COLGALT1: variants seen among roughly 807,000 people sequenced by gnomAD.
COLGALT1 encodes the protein procollagen galactosyltransferase 1.
COLGALT1 carries 43 observed loss-of-function variants against 60.8 expected under a neutral mutation model. The observed-to-expected ratio is 0.71, with a 90% CI of 0.55 to 0.91. COLGALT1 has a LOEUF of 0.91. COLGALT1 is among the 40% of genes least tolerant of loss of function. The pLI, the probability that COLGALT1 is intolerant of heterozygous loss-of-function variation, is 0.00. For synonymous variants in COLGALT1, 369 were observed against 374.2 expected, an observed-to-expected ratio of 0.99 and a Z score of 0.16; for missense variants, 845 against 880.0, an observed-to-expected ratio of 0.96 and a Z score of 0.50.
At chr19:17,579,421 G>A (rs1195116330) in intron 9 of COLGALT1, 61 bp from the exon 10 acceptor site, 1 of 1,609,914 alleles carries the variant, frequency 6.2e-7, no homozygotes, top group East Asian at 2.2e-5. Flanking sequence ...GCAAAGCTCT[G>A]TGCTTTAGGG....
Position 17,576,800 on chromosome 19 carries a change from G to C in COLGALT1, c.950-395G>C, listed in dbSNP as rs538127952. Reference sequence around the variant, plus strand: ...GTGGCCAGGGCTGAGTGGTGCGGCTGGGGGGCAGGTTGAAGCTGTAGCCTG... The same window carrying C: ...GTGGCCAGGGCTGAGTGGTGCGGCTCGGGGGCAGGTTGAAGCTGTAGCCTG... On this transcript the variant is annotated intron_variant, in intron 6 of 11. Coordinates refer to ENST00000252599, the MANE Select transcript of COLGALT1 (RefSeq NM_024656.4). Among the ~76,000 whole-genome samples the C allele has an allele frequency of 1.0e-4, 15 of 145,834 alleles. No individual in the cohort carries two copies. In the South Asian group the frequency reaches 3.0e-3, roughly 30 times the overall value.
chr19:17,565,780 T>C (rs1437913464), intron 3 of COLGALT1, among the ~76,000 whole-genome samples: 1 of 152,226 alleles, frequency 6.6e-6, no homozygotes, highest in Non-Finnish European at 1.5e-5. Flanking sequence ...GTTTAGCTTT[T>C]TGAGGAACTG....
chr19:17,558,694 T>G (rs1037125520), intron 1 of COLGALT1, among the ~76,000 whole-genome samples: 9 of 149,958 alleles, frequency 6.0e-5, no homozygotes, highest in African/African-American at 2.2e-4. Flanking sequence ...AAAAAAAAAT[T>G]AAGTGACACA....
chr19:17,580,979 C>CAA, intron 11 of COLGALT1, 74 bp downstream of exon 11: 1 of 1,548,826 alleles, frequency 6.5e-7, no homozygotes, highest in Non-Finnish European at 8.8e-7. Context: ...ATGTGAGACT[C>CAA]ACGGCCTCCG....
At chr19:17,577,544 T>G in intron 8 of COLGALT1, 77 bp downstream of exon 8, 1 of 1,277,590 alleles carries the variant, frequency 7.8e-7, no homozygotes, top group Non-Finnish European at 1.0e-6. Flanking sequence ...AGACGGCAAG[T>G]GATTCAGATG....
chr19:17,559,278 C>G, intron 1 of COLGALT1, 33 bp from the exon 2 acceptor site: 3 of 1,508,524 alleles, frequency 2.0e-6, no homozygotes, highest in Non-Finnish European at 2.7e-6. Context: ...CCTCAGTCTC[C>G]CCAAGTACGC....
At chr19:17,569,570 G>T (rs1311691123) in intron 5 of COLGALT1, among the ~76,000 whole-genome samples, 1 of 151,740 alleles carries the variant, frequency 6.6e-6, no homozygotes, top group Non-Finnish European at 1.5e-5. Flanking sequence ...CCAAGTAGCT[G>T]GGATTACAGG....
rs2076381394 is a variant in COLGALT1 at position 17,581,374 on chromosome 19, T to C, written c.1799T>C (p.Leu600Pro). The change falls in exon 12 of 12, where the codon CTG becomes CCG. Residue 600 changes from leucine (L) to proline (P), a missense_variant. Coordinates refer to ENST00000252599, the MANE Select transcript of COLGALT1 (RefSeq NM_024656.4). ...CAGAAGATGCGGGAGCAGCAGGCAC[T>C]GAGCCGTGAGGCCAAGAACTCGGAC... ...KSQKMREQQA[L>P]SREAKNSDVL... 1 of 1,613,078 alleles carries C rather than the reference T, an allele frequency of 6.2e-7. No individual in the cohort carries two copies. Among genetic ancestry groups the C allele is most frequent in the Non-Finnish European group, 8.5e-7 (1 of 1,179,966 alleles).
chr19:17,570,445 T>A (rs1233397215), intron 5 of COLGALT1, among the ~76,000 whole-genome samples: 1 of 151,824 alleles, frequency 6.6e-6, no homozygotes, highest in Non-Finnish European at 1.5e-5. Context: ...GGGGTCTTGC[T>A]ATGTTGCCCA....
intron 6 of COLGALT1, among the ~76,000 whole-genome samples, chr19:17,574,430 A>G (rs2076329642): frequency 1.3e-5 from 2 of 151,534 alleles, no homozygotes; most frequent in South Asian, 4.2e-4. Flanking sequence ...TCCTGGGTTC[A>G]AGCGATTCCC....
intron 8 of COLGALT1, 45 bp from the exon 9 acceptor site, chr19:17,577,912 A>G: frequency 6.4e-7 from 1 of 1,569,168 alleles, no homozygotes; most frequent in Non-Finnish European, 8.7e-7. Context: ...GCAGAATGGC[A>G]GGCAGGGTGA....
chr19:17,558,887 C>T (rs904899569), intron 1 of COLGALT1, among the ~76,000 whole-genome samples: 3 of 151,866 alleles, frequency 2.0e-5, no homozygotes, highest in Non-Finnish European at 4.4e-5. Flanking sequence ...GGGCCGGGCG[C>T]GGTGGCTCAC....
At chr19:17,557,733 C>T (rs992212196) in intron 1 of COLGALT1, among the ~76,000 whole-genome samples, 1 of 152,230 alleles carries the variant, frequency 6.6e-6, no homozygotes, top group Non-Finnish European at 1.5e-5. Flanking sequence ...TCTTGAGTAA[C>T]TGGGACTACA....
chr19:17,580,764 T>G lies in COLGALT1; in HGVS notation c.1460T>G (p.Leu487Arg). 6.2e-7 allele frequency: 1 copy of G among 1,613,916 alleles called. No individual in the cohort carries two copies. The highest frequency in any genetic ancestry group is 8.5e-7 in the Non-Finnish European group (1 of 1,179,956). Reference protein sequence around the residue: ...PEKAVPRVRNLVEADYSYWTL... With the variant: ...PEKAVPRVRNRVEADYSYWTL... Reference sequence around the variant, plus strand: ...AAGGCTGTGCCTCGCGTGAGGAACCTGGTGGAGGCCGACTATTCCTACTGG... The same window carrying G: ...AAGGCTGTGCCTCGCGTGAGGAACCGGGTGGAGGCCGACTATTCCTACTGG... Residue 487 changes from leucine (L) to arginine (R), a missense_variant, in exon 11 of 12, where the codon CTG (leucine) becomes CGG (arginine). Leu to Arg is a moderately radical substitution (Grantham distance 102). Transcript: ENST00000252599.
chr19:17,572,733 C>A, intron 6 of COLGALT1, 131 bp downstream of exon 6: 1 of 1,334,842 alleles, frequency 7.5e-7, no homozygotes, highest in Non-Finnish European at 1.0e-6. Flanking sequence ...CTGGGTGCAA[C>A]GGCACGTGTG....
intron 3 of COLGALT1, among the ~76,000 whole-genome samples, chr19:17,562,042 TG>T (rs1326693103): frequency 6.6e-6 from 1 of 152,138 alleles, no homozygotes; most frequent in Non-Finnish European, 1.5e-5. Context: ...GGCTAATTTT[TG>T]TAATTTTAGT....
Position 17,580,947 on chromosome 19 carries a change from G to C in COLGALT1, c.1601+42G>C, listed in dbSNP as rs371051742. ...GCTGCTGGGCTGGGGTTTCACGGTG[G>C]GTCTGTCCTGGGAGAATGGGGATGT... On this transcript the variant is annotated intron_variant, in intron 11 of 11. Transcript: ENST00000252599. 10 of 1,604,834 alleles carry C rather than the reference G, an allele frequency of 6.2e-6. No homozygotes were observed. In the African/African-American group the frequency reaches 1.3e-4, roughly 21 times the overall value.
chr19:17,569,757 G>A (rs62119898), intron 5 of COLGALT1, among the ~76,000 whole-genome samples: 16,545 of 152,030 alleles, frequency 0.11, 986 homozygotes, highest in East Asian at 0.25. Context: ...ATTTTCTACA[G>A]TTGAGCATAT....
intron 3 of COLGALT1, among the ~76,000 whole-genome samples, chr19:17,561,370 C>G (rs7259115): frequency 4.0e-5 from 6 of 151,538 alleles, no homozygotes; most frequent in African/African-American, 1.5e-4. Context: ...CATGGGCCAC[C>G]GTGCCTGGCC....
Sources: allele counts gnomAD v4.1 joint callset (sites outside exome capture counted in the v4.1 genomes callset), GRCh38; gene constraint gnomAD v4.1.1; transcripts MANE v1.5; gene names NCBI Gene and HGNC (gene_info 2026-07-23, HGNC 2026-07-21).